The following ZC3H12C variants were observed in gnomAD, a reference collection of about 807,000 sequenced individuals.
ZC3H12C encodes zinc finger CCCH-type containing 12C, also known as probable ribonuclease ZC3H12C.
ZC3H12C carries 20 observed loss-of-function variants against 76.3 expected under a neutral mutation model. The observed-to-expected ratio is 0.26, with a 90% CI of 0.18 to 0.38. The LOEUF is 0.38. ZC3H12C is among the 10% of genes least tolerant of loss of function. The pLI is 1.00. For missense variants in ZC3H12C, 874 were observed against 1,086.5 expected (o/e 0.80, Z 2.75); for synonymous variants, 352 against 399.6 (o/e 0.88, Z 1.42).
chr11:110,157,353 C>T (rs1862397315), intron 3 of ZC3H12C, among the ~76,000 whole-genome samples: 1 of 151,530 alleles, frequency 6.6e-6, no homozygotes, highest in Non-Finnish European at 1.5e-5. Flanking sequence ...GAAACAGACT[C>T]AACAAGATTG....
intron 2 of ZC3H12C, among the ~76,000 whole-genome samples, chr11:110,146,017 T>C (rs991497542): frequency 3.3e-5 from 5 of 152,274 alleles, no homozygotes; most frequent in Non-Finnish European, 5.9e-5. Flanking sequence ...GACGGAGTCT[T>C]GCTCTGTCGC....
intron 1 of ZC3H12C, chr11:110,136,456 G>T (rs117935918): frequency 9.0e-6 from 5 of 552,546 alleles, no homozygotes; most frequent in Non-Finnish European, 1.6e-5. Flanking sequence ...TTGCCTTGGA[G>T]GAATTACATG....
intron 1 of ZC3H12C, among the ~76,000 whole-genome samples, chr11:110,118,022 C>CAT (rs1316950817): frequency 8.0e-5 from 10 of 124,610 alleles, no homozygotes; most frequent in Non-Finnish European, 1.0e-4. Context: ...TACACACACA[C>CAT]ATATATATTA....
At chr11:110,140,579 G>A (rs1160473590) in intron 2 of ZC3H12C, among the ~76,000 whole-genome samples, 3 of 152,208 alleles carry the variant, frequency 2.0e-5, no homozygotes, top group Non-Finnish European at 1.5e-5. Flanking sequence ...GGCCACACCA[G>A]TCTTGTGTTT....
chr11:110,129,029 T>C (rs1861811664), intron 1 of ZC3H12C, among the ~76,000 whole-genome samples: 1 of 152,202 alleles, frequency 6.6e-6, no homozygotes, highest in African/African-American at 2.4e-5. Flanking sequence ...AGATGCTTTA[T>C]CTTGATCTTT....
chr11:110,137,128 C>A lies in ZC3H12C; in HGVS notation c.487C>A (p.Gln163Lys), dbSNP rs1447000721. ...ACCACCTGATGTGGTGCGAGAATACCAAACAAAACTGGAGTTTGCACTTAA... is the reference window on the plus strand; with the variant it reads ...ACCACCTGATGTGGTGCGAGAATACAAAACAAAACTGGAGTTTGCACTTAA... ...KKPPDVVREY[Q>K]TKLEFALKLG... Residue 163 changes from glutamine to lysine, a missense_variant, in exon 2 of 6, where the codon CAA becomes AAA. By Grantham distance (53) the Gln-to-Lys change is moderately conservative. Transcript: ENST00000278590. 6.2e-7 allele frequency: 1 copy of A among 1,613,670 alleles called. No individual in the cohort carries two copies. The highest frequency in any genetic ancestry group is 1.3e-5 in the African/African-American group (1 of 74,922).
chr11:110,109,496 T>G (rs189503712), intron 1 of ZC3H12C, among the ~76,000 whole-genome samples: 8 of 152,316 alleles, frequency 5.3e-5, no homozygotes, highest in African/African-American at 1.9e-4. Flanking sequence ...GGTCATACTT[T>G]TTGGAGGTTA....
chr11:110,171,129 A>C lies in ZC3H12C; in HGVS notation c.*5392A>C, dbSNP rs1208205222. On this transcript the variant is annotated 3_prime_UTR_variant, in exon 6 of 6. Transcript: ENST00000278590. ...TGAATAACAAAACGCTGTTCATTGA[A>C]GCTTTCGCCACCTTTCTTAAAGCAG... 6.6e-6 allele frequency: 1 copy of C among 152,244 alleles called. No homozygotes were observed. Among genetic ancestry groups the C allele is most frequent in the African/African-American group, 2.4e-5 (1 of 41,470 alleles). The allele number at this position is 152,244 out of a possible 1,614,324, so 9.4% of individuals were successfully genotyped here.
At chr11:110,130,898 A>G in intron 1 of ZC3H12C, 1 of 818,648 alleles carries the variant, frequency 1.2e-6, no homozygotes, top group Non-Finnish European at 1.9e-6. Context: ...GTTGTCTTGC[A>G]TCTGCCCGGC....
At chr11:110,124,249 C>T (rs1041704031) in intron 1 of ZC3H12C, 1 of 152,108 alleles carries the variant, frequency 6.6e-6, no homozygotes, top group Non-Finnish European at 1.5e-5. Flanking sequence ...TGCCAATGGC[C>T]GAGGGCTCTG....
Position 110,165,258 on chromosome 11 carries a change from T to TA in ZC3H12C, c.2174dup (p.Tyr725Ter). ...CGCCCGGTCCAGCTGTCCTGGCGAC[T>TA]ACCCCTCTCCTCCAAGTTCAGCACA... ...VGARSSCPGD[Y>*]PSPPSSAHSK... is the part of the protein sequence containing the mutation. The change falls in exon 6 of 6, where the codon TAC becomes TAAC. Residue 725 changes from tyrosine to a stop codon, truncating the protein, a stop_gained and frameshift_variant. Transcript: ENST00000278590. LOFTEE classifies it high-confidence loss of function. The TA allele has an allele frequency of 6.2e-7, 1 of 1,614,038 alleles. No homozygotes were observed. The highest frequency in any genetic ancestry group is 8.5e-7 in the Non-Finnish European group (1 of 1,179,898).
chr11:110,113,732 C>T (rs1861475889), intron 1 of ZC3H12C, among the ~76,000 whole-genome samples: 1 of 152,180 alleles, frequency 6.6e-6, no homozygotes, highest in African/African-American at 2.4e-5. Context: ...TTTATAACTC[C>T]TTCCTCTTTT....
At chr11:110,152,022 AG>A (rs1400159243) in intron 2 of ZC3H12C, among the ~76,000 whole-genome samples, 47 of 152,358 alleles carry the variant, frequency 3.1e-4, no homozygotes, top group African/African-American at 1.0e-3. Flanking sequence ...CATCCTAAGA[AG>A]AAAAAATATC....
At chr11:110,151,835 G>C (rs1185561157) in intron 2 of ZC3H12C, among the ~76,000 whole-genome samples, 10 of 151,946 alleles carry the variant, frequency 6.6e-5, no homozygotes, top group Admixed American at 2.0e-4. Flanking sequence ...TGGAGCCTTC[G>C]ACATCTACAA....
At chr11:110,129,339 G>T (rs1303681131) in intron 1 of ZC3H12C, among the ~76,000 whole-genome samples, 1 of 152,094 alleles carries the variant, frequency 6.6e-6, no homozygotes, top group African/African-American at 2.4e-5. Context: ...TCAGTTTTTA[G>T]TAGGCAGAAG....
At position 110,137,202 on chromosome 11, in the gene ZC3H12C, T is replaced by C. The variant is rs756984214; in HGVS notation, c.561T>C (p.Gly187=). 1 of 1,613,922 alleles carries C rather than the reference T, an allele frequency of 6.2e-7. No individual in the cohort carries two copies. The highest frequency in any genetic ancestry group is 8.5e-7 in the Non-Finnish European group (1 of 1,179,864). The change falls in exon 2 of 6, where the codon GGT becomes GGC. Residue 187 remains glycine (G), a synonymous_variant. Coordinates refer to ENST00000278590, the MANE Select transcript of ZC3H12C (RefSeq NM_033390.2). ...EQVQLVLNKL[G]TDALINDILG... is the part of the protein sequence containing the mutation. Reference sequence around the variant, plus strand: ...TTCAGCTTGTACTAAACAAACTTGGTACTGATGCTTTAATCAATGATATTT... The same window carrying C: ...TTCAGCTTGTACTAAACAAACTTGGCACTGATGCTTTAATCAATGATATTT...
chr11:110,111,762 C>T (rs1033489059), intron 1 of ZC3H12C, among the ~76,000 whole-genome samples: 22 of 149,062 alleles, frequency 1.5e-4, no homozygotes, highest in African/African-American at 5.5e-4. Flanking sequence ...AGGCTGGTCT[C>T]AAATTCCTGG....
At chr11:110,105,956 C>T (rs1456614274) in intron 1 of ZC3H12C, among the ~76,000 whole-genome samples, 4 of 152,114 alleles carry the variant, frequency 2.6e-5, no homozygotes, top group Non-Finnish European at 4.4e-5. Flanking sequence ...TAGATGTGGC[C>T]ATGCAAACTG....
At chr11:110,104,874 C>G (rs922542544) in intron 1 of ZC3H12C, among the ~76,000 whole-genome samples, 2 of 152,184 alleles carry the variant, frequency 1.3e-5, no homozygotes, top group East Asian at 1.9e-4. Flanking sequence ...TTTCTACTTA[C>G]TCATTGGCTC....
Sources: allele counts gnomAD v4.1 joint callset (sites outside exome capture counted in the v4.1 genomes callset), GRCh38; gene constraint gnomAD v4.1.1; transcripts MANE v1.5; gene names NCBI Gene and HGNC (gene_info 2026-07-23, HGNC 2026-07-21).